Variants in CDH13 observed in about 807,000 individuals in gnomAD.
The protein encoded by CDH13 is cadherin-13.
In CDH13, 24 loss-of-function variants were observed where a neutral mutation model predicts 63.8. The ratio of observed to expected loss-of-function variants is 0.38; its 90% confidence interval spans 0.27 to 0.53. The LOEUF is 0.53. Among genes scored for constraint, CDH13 ranks in the 20% least tolerant of loss-of-function variants. The pLI is 0.85. For missense variants in CDH13, 1,049 were observed against 903.1 expected (o/e 1.16, Z -2.07); for synonymous variants, 503 against 355.3 (o/e 1.42, Z -4.67).
At chr16:82,717,084 A>G (rs564233265) in intron 1 of CDH13, among the ~76,000 whole-genome samples, 71 of 152,104 alleles carry the variant, frequency 4.7e-4, no homozygotes, top group African/African-American at 1.6e-3. Context: ...GCTGCTGGAG[A>G]AGTCTGCCCA....
intron 6 of CDH13, among the ~76,000 whole-genome samples, chr16:83,351,510 A>G (rs930170447): frequency 1.3e-5 from 2 of 151,948 alleles, no homozygotes; most frequent in Admixed American, 6.6e-5. Context: ...TTTTCCGTAA[A>G]TCTCTCTCTT....
chr16:83,189,757 G>C (rs2038639109), intron 4 of CDH13, among the ~76,000 whole-genome samples: 1 of 152,194 alleles, frequency 6.6e-6, no homozygotes, highest in African/African-American at 2.4e-5. Context: ...TCTGAGCCTG[G>C]TGTGGTTTGG....
At chr16:82,785,405 G>C (rs193156853) in intron 1 of CDH13, among the ~76,000 whole-genome samples, 1 of 152,270 alleles carries the variant, frequency 6.6e-6, no homozygotes, top group African/African-American at 2.4e-5. Context: ...TAAAATGGAT[G>C]TTCAGTGGAG....
chr16:82,698,221 A>C (rs538242945), intron 1 of CDH13, among the ~76,000 whole-genome samples: 76 of 152,322 alleles, frequency 5.0e-4, no homozygotes, highest in Admixed American at 1.1e-3. Flanking sequence ...TAGTCTCTTT[A>C]GTGTTTTCTG....
At chr16:82,807,245 T>C (rs766059739) in intron 1 of CDH13, among the ~76,000 whole-genome samples, 31 of 152,214 alleles carry the variant, frequency 2.0e-4, no homozygotes, top group Non-Finnish European at 4.0e-4. Flanking sequence ...TGTTTTTATT[T>C]GTTTTAATCC....
intron 8 of CDH13, among the ~76,000 whole-genome samples, chr16:83,614,204 G>T (rs1909095621): frequency 6.6e-6 from 1 of 152,202 alleles, no homozygotes; most frequent in South Asian, 2.1e-4. Flanking sequence ...AAACAGATAA[G>T]AGTAGGACAG....
At chr16:83,542,932 G>T (rs898822905) in intron 7 of CDH13, among the ~76,000 whole-genome samples, 3 of 152,202 alleles carry the variant, frequency 2.0e-5, no homozygotes, top group African/African-American at 7.2e-5. Context: ...TAAGGGCTAA[G>T]ACAATCAACA....
At chr16:82,784,184 C>A (rs949838729) in intron 1 of CDH13, among the ~76,000 whole-genome samples, 3 of 152,148 alleles carry the variant, frequency 2.0e-5, no homozygotes, top group East Asian at 1.9e-4. Flanking sequence ...GTGGGTGTTT[C>A]TTCTATGAAG....
At chr16:83,152,577 T>C (rs1044076786) in intron 4 of CDH13, among the ~76,000 whole-genome samples, 1 of 152,198 alleles carries the variant, frequency 6.6e-6, no homozygotes, top group Non-Finnish European at 1.5e-5. Flanking sequence ...TGTTTTATTT[T>C]TAGGGCTGCC....
At chr16:83,149,302 A>G (rs1341950776) in intron 4 of CDH13, among the ~76,000 whole-genome samples, 1 of 152,262 alleles carries the variant, frequency 6.6e-6, no homozygotes, top group Admixed American at 6.5e-5. Context: ...ATACACATTT[A>G]TACTCATTTG....
chr16:82,892,723 A>G (rs2041122414), intron 2 of CDH13, among the ~76,000 whole-genome samples: 2 of 152,306 alleles, frequency 1.3e-5, no homozygotes, highest in East Asian at 1.9e-4. Context: ...TGAAATGCTC[A>G]GTGTTTTTCT....
intron 2 of CDH13, among the ~76,000 whole-genome samples, chr16:82,995,859 G>A (rs1912151518): frequency 6.6e-6 from 1 of 152,056 alleles, no homozygotes; most frequent in Non-Finnish European, 1.5e-5. Flanking sequence ...GCGGGCTGCT[G>A]GGGAATCGAT....
chr16:83,496,452 G>C (rs1415235419), intron 7 of CDH13, among the ~76,000 whole-genome samples: 1 of 151,434 alleles, frequency 6.6e-6, no homozygotes, highest in Non-Finnish European at 1.5e-5. Flanking sequence ...AAACTGGCTA[G>C]CCATATGTAG....
At chr16:83,344,621 C>T (rs970002521) in intron 5 of CDH13, among the ~76,000 whole-genome samples, 1 of 152,010 alleles carries the variant, frequency 6.6e-6, no homozygotes, top group Non-Finnish European at 1.5e-5. Flanking sequence ...CTTTCTTTGC[C>T]GATTTGATGA....
intron 1 of CDH13, among the ~76,000 whole-genome samples, chr16:82,794,066 G>A (rs1363535595): frequency 6.6e-6 from 1 of 152,054 alleles, no homozygotes; most frequent in Non-Finnish European, 1.5e-5. Context: ...TGTCCAATCC[G>A]AGGCCCGTGG....
rs1275886379 is a variant in CDH13 at position 83,023,619 on chromosome 16, A to G, written c.158-8391A>G. 2.6e-5 allele frequency among the ~76,000 whole-genome samples: 4 copies of G among 152,194 alleles called. No homozygotes were observed. The South Asian group carries it at 6.2e-4, about 24-fold the overall frequency. On this transcript the variant is annotated intron_variant, in intron 2 of 13. Transcript: ENST00000567109. ...GGAAGTTGTCTCTATAGAAACAAGC[A>G]TTTTTTAAATGGACATAAACTGTTC...
At chr16:83,012,267 T>C (rs563275562) in intron 2 of CDH13, among the ~76,000 whole-genome samples, 1 of 151,868 alleles carries the variant, frequency 6.6e-6, no homozygotes, top group East Asian at 1.9e-4. Context: ...AAATATAGCA[T>C]CTAAATTTAG....
rs979021285 is a variant in CDH13 at position 83,128,755 on chromosome 16, T to A, written c.483+3254T>A. On this transcript the variant is annotated intron_variant, in intron 4 of 13. Transcript: ENST00000567109. ...GCATGCAGCTAATTGGGAACATTCT[T>A]CTGCATTGTTTTTTTACTTATTACA... Among the ~76,000 whole-genome samples the A allele has an allele frequency of 6.6e-5, 10 of 152,334 alleles. No individual in the cohort carries two copies. The East Asian group carries it at 9.6e-4, about 15-fold the overall frequency.
chr16:83,004,798 G>T (rs1913311728), intron 2 of CDH13, among the ~76,000 whole-genome samples: 1 of 152,150 alleles, frequency 6.6e-6, no homozygotes, highest in Non-Finnish European at 1.5e-5. Flanking sequence ...ACCCAGCCAA[G>T]GACTCATGTT....
Sources: gnomAD v4.1 joint callset for allele counts (sites outside exome capture counted in the v4.1 genomes callset) on GRCh38, gnomAD v4.1.1 for gene constraint, MANE v1.5 for transcripts, NCBI Gene and HGNC (gene_info 2026-07-23, HGNC 2026-07-21) for gene names.